The following CSMD1 variants were observed in gnomAD, a reference collection of about 807,000 sequenced individuals.
The protein encoded by CSMD1 is CUB and Sushi multiple domains 1, also known as CUB and sushi domain-containing protein 1.
A neutral mutation model predicts 417.5 loss-of-function variants in CSMD1; 213 were observed. The observed-to-expected ratio is 0.51, with a 90% confidence interval of 0.46 to 0.57. CSMD1 has a LOEUF of 0.57. Among genes scored for constraint, CSMD1 ranks in the 20% least tolerant of loss-of-function variants. CSMD1 has a pLI of 0.00. For missense variants in CSMD1, 6,923 were observed against 4,529.7 expected, an observed-to-expected ratio of 1.53 and a Z score of -15.17; for synonymous variants, 2,862 against 1,736.8, an observed-to-expected ratio of 1.65 and a Z score of -16.11.
intron 4 of CSMD1, among the ~76,000 whole-genome samples, chr8:4,007,086 C>A (rs1206153343): frequency 6.6e-6 from 1 of 152,044 alleles, no homozygotes; most frequent in Non-Finnish European, 1.5e-5. Context: ...GATCCAGCCA[C>A]CTCGGCCTCC....
intron 41 of CSMD1, among the ~76,000 whole-genome samples, chr8:3,138,047 G>A (rs915605450): frequency 3.9e-5 from 6 of 152,144 alleles, no homozygotes; most frequent in Non-Finnish European, 8.8e-5. Flanking sequence ...CAACATGGGT[G>A]AAACCCTGTC....
chr8:4,664,298 G>A (rs932664642), intron 1 of CSMD1, among the ~76,000 whole-genome samples: 2 of 152,140 alleles, frequency 1.3e-5, no homozygotes, highest in African/African-American at 2.4e-5. Flanking sequence ...GGTGGCTCAC[G>A]CCTATAATCT....
rs574598563 is a variant in CSMD1 at position 3,870,739 on chromosome 8, G to A, written c.819-116697C>T. 2.6e-5 allele frequency among the ~76,000 whole-genome samples: 4 copies of A among 151,926 alleles called. No individual in the cohort carries two copies. In the East Asian group the frequency reaches 7.7e-4, roughly 29 times the overall value. On this transcript the variant is annotated intron_variant, in intron 5 of 69. Transcript: ENST00000635120. ...ATATTCTCCTCTGTTAATGTCCTAT[G>A]GCCATTTTTAACCATAAATAAATGT...
At chr8:4,291,969 T>C (rs904108416) in intron 3 of CSMD1, among the ~76,000 whole-genome samples, 19 of 152,184 alleles carry the variant, frequency 1.2e-4, no homozygotes, top group African/African-American at 4.3e-4. Flanking sequence ...CAGAAGGAAT[T>C]TCTTTCATCA....
Position 4,767,594 on chromosome 8 carries a change from G to A in CSMD1, c.86-130036C>T, listed in dbSNP as rs575701532. ...CTCCCTTTCCGCATTCATCAACACA[G>A]TCCTCCCTAGGACCTGCGACCTGCT... On this transcript the variant is annotated intron_variant, in intron 1 of 69. Coordinates refer to ENST00000635120, the MANE Select transcript of CSMD1 (RefSeq NM_033225.6). Among the ~76,000 whole-genome samples the A allele has an allele frequency of 2.6e-5, 4 of 152,238 alleles. No homozygotes were observed. The South Asian group carries it at 6.2e-4, about 24-fold the overall frequency.
intron 3 of CSMD1, among the ~76,000 whole-genome samples, chr8:4,389,144 A>G (rs921696968): frequency 7.2e-5 from 11 of 152,216 alleles, no homozygotes; most frequent in South Asian, 2.1e-4. Context: ...TCTGTTCTAA[A>G]GCTTTTCATT....
At chr8:4,270,673 C>T (rs544803997) in intron 3 of CSMD1, among the ~76,000 whole-genome samples, 1 of 152,186 alleles carries the variant, frequency 6.6e-6, no homozygotes, top group Non-Finnish European at 1.5e-5. Flanking sequence ...AATGTAGCTC[C>T]TTTCTTCTAC....
intron 17 of CSMD1, among the ~76,000 whole-genome samples, chr8:3,392,785 C>G (rs1256680122): frequency 6.6e-6 from 1 of 152,166 alleles, no homozygotes; most frequent in Non-Finnish European, 1.5e-5. Context: ...CCTTCCCCTT[C>G]AGCACCGGGT....
chr8:3,354,167 C>T (rs930333787), intron 21 of CSMD1, among the ~76,000 whole-genome samples: 1 of 152,114 alleles, frequency 6.6e-6, no homozygotes, highest in Admixed American at 6.5e-5. Context: ...AAATATATAA[C>T]CTCTCAATCT....
chr8:2,941,862 G>T (rs1303035953), intron 69 of CSMD1, among the ~76,000 whole-genome samples: 1 of 152,182 alleles, frequency 6.6e-6, no homozygotes, highest in Admixed American at 6.5e-5. Flanking sequence ...TTGCTGGAAG[G>T]TTGAAATACC....
intron 10 of CSMD1, among the ~76,000 whole-genome samples, chr8:3,562,113 G>T (rs1799491538): frequency 7.1e-6 from 1 of 141,560 alleles, no homozygotes; most frequent in Non-Finnish European, 1.5e-5. Flanking sequence ...AACCATATGA[G>T]GGAAAAGAAA....
At chr8:4,260,907 C>A (rs1803834755) in intron 3 of CSMD1, among the ~76,000 whole-genome samples, 2 of 152,070 alleles carry the variant, frequency 1.3e-5, no homozygotes, top group South Asian at 4.2e-4. Flanking sequence ...ATAGGAACAC[C>A]ACGGTTATTT....
chr8:3,478,543 C>T (rs573601069), intron 11 of CSMD1, among the ~76,000 whole-genome samples: 17 of 152,170 alleles, frequency 1.1e-4, no homozygotes, highest in South Asian at 2.1e-4. Context: ...GGCCTGGGAC[C>T]GAAGACCAGA....
chr8:3,977,296 G>C (rs1225681038), intron 5 of CSMD1, among the ~76,000 whole-genome samples: 2 of 152,094 alleles, frequency 1.3e-5, no homozygotes, highest in Admixed American at 6.6e-5. Flanking sequence ...GTTCCCTGAA[G>C]ACAGATCCCA....
chr8:3,644,857 G>C (rs1023037067), intron 7 of CSMD1, among the ~76,000 whole-genome samples: 1 of 149,276 alleles, frequency 6.7e-6, no homozygotes, highest in East Asian at 2.0e-4. Context: ...CGTTTCCTAA[G>C]AGATTGCTGT....
At chr8:3,634,415 CTG>C (rs2117272112) in intron 7 of CSMD1, among the ~76,000 whole-genome samples, 1 of 152,324 alleles carries the variant, frequency 6.6e-6, no homozygotes, top group Non-Finnish European at 1.5e-5. Flanking sequence ...CTGCAATCCT[CTG>C]TGCGTGGGGT....
At chr8:4,393,365 G>A (rs1330516074) in intron 3 of CSMD1, among the ~76,000 whole-genome samples, 1 of 152,134 alleles carries the variant, frequency 6.6e-6, no homozygotes. Flanking sequence ...AATTGCCAAG[G>A]CCAAGAAACT....
At chr8:3,694,424 CTG>C (rs1252845168) in intron 7 of CSMD1, among the ~76,000 whole-genome samples, 2 of 152,126 alleles carry the variant, frequency 1.3e-5, no homozygotes, top group East Asian at 1.9e-4. Flanking sequence ...CAGGGAGTAA[CTG>C]TGTCAGGCAG....
intron 3 of CSMD1, among the ~76,000 whole-genome samples, chr8:4,214,959 C>G (rs781413993): frequency 2.6e-5 from 4 of 152,050 alleles, no homozygotes; most frequent in Non-Finnish European, 5.9e-5. Context: ...GCTCACTTCA[C>G]GTGAGATACA....
Sources: gnomAD v4.1 joint callset for allele counts (sites outside exome capture counted in the v4.1 genomes callset) on GRCh38, gnomAD v4.1.1 for gene constraint, MANE v1.5 for transcripts, NCBI Gene and HGNC (gene_info 2026-07-23, HGNC 2026-07-21) for gene names.